Variants in FOXP1 observed in about 807,000 individuals in gnomAD.
FOXP1 encodes the protein forkhead box P1.
A neutral mutation model predicts 98.2 loss-of-function variants in FOXP1; 15 were observed. That is an observed-to-expected ratio of 0.15 (90% CI 0.10 to 0.24). The LOEUF (loss-of-function observed/expected upper bound fraction) is 0.24. Among genes scored for constraint, FOXP1 ranks in the 10% least tolerant of loss-of-function variants. The probability of loss-of-function intolerance (pLI) is 1.00; values close to 1 mark genes in which losing one functional copy is unlikely to be tolerated. For missense variants in FOXP1, 633 were observed against 848.5 expected (o/e 0.75, Z 3.15); for synonymous variants, 371 against 314.5 (o/e 1.18, Z -1.90).
At chr3:71,098,223 C>A (rs1300464671) in intron 7 of FOXP1, among the ~76,000 whole-genome samples, 2 of 152,204 alleles carry the variant, frequency 1.3e-5, no homozygotes, top group Non-Finnish European at 2.9e-5. Context: ...TTCCTCCCTG[C>A]AAGTATATTC....
At chr3:71,363,990 T>C (rs2078746385) in intron 3 of FOXP1, among the ~76,000 whole-genome samples, 3 of 152,222 alleles carry the variant, frequency 2.0e-5, no homozygotes, top group South Asian at 2.1e-4. Flanking sequence ...AAAGACTACA[T>C]GGAGCAGAGC....
At position 71,373,356 on chromosome 3, in the gene FOXP1, C is replaced by A. The variant is rs547918244; in HGVS notation, c.-167-14112G>T. Among the ~76,000 whole-genome samples the A allele has an allele frequency of 2.0e-5, 3 of 152,064 alleles. No individual in the cohort carries two copies. The South Asian group carries it at 6.2e-4, about 32-fold the overall frequency. ...AAAACATGTTAAAGTAGAATTTTAA[C>A]ACAACTTGTCATAAAAGCTGACACT... On this transcript the variant is annotated intron_variant, in intron 3 of 20. Transcript: ENST00000649528.
intron 4 of FOXP1, among the ~76,000 whole-genome samples, chr3:71,330,582 G>A (rs1025527906): frequency 4.6e-5 from 7 of 152,214 alleles, no homozygotes; most frequent in Non-Finnish European, 2.9e-5. Context: ...AACTGGTAAA[G>A]AATCTGTGGA....
intron 3 of FOXP1, among the ~76,000 whole-genome samples, chr3:71,466,223 G>A (rs917963751): frequency 1.1e-4 from 17 of 152,070 alleles, no homozygotes; most frequent in African/African-American, 3.6e-4. Context: ...ACTGCTGCTC[G>A]ACAGTACCCA....
chr3:71,400,917 C>A (rs2081918513), intron 3 of FOXP1, among the ~76,000 whole-genome samples: 1 of 152,074 alleles, frequency 6.6e-6, no homozygotes, highest in African/African-American at 2.4e-5. Context: ...TTCAGGAGAA[C>A]ACATAAGGAG....
intron 3 of FOXP1, among the ~76,000 whole-genome samples, chr3:71,430,814 T>C (rs2084639245): frequency 6.6e-6 from 1 of 151,304 alleles, no homozygotes; most frequent in Admixed American, 6.6e-5. Context: ...CATGGGCTGT[T>C]GGGGGAGGGG....
At chr3:70,970,426 A>T (rs2035961604) in intron 19 of FOXP1, 1 of 410,204 alleles carries the variant, frequency 2.4e-6, no homozygotes, top group Non-Finnish European at 4.6e-6. Flanking sequence ...TGCTAGAGTA[A>T]TTACACTTGT....
intron 3 of FOXP1, among the ~76,000 whole-genome samples, chr3:71,418,659 C>T (rs998975695): frequency 6.6e-6 from 1 of 152,166 alleles, no homozygotes; most frequent in African/African-American, 2.4e-5. Context: ...CAGATCTAAA[C>T]ACTACTTAAC....
At chr3:71,024,178 C>A (rs1451957166) in intron 11 of FOXP1, among the ~76,000 whole-genome samples, 4 of 152,086 alleles carry the variant, frequency 2.6e-5, no homozygotes, top group African/African-American at 4.8e-5. Flanking sequence ...GCAGATGAAA[C>A]GTGGGAACAG....
intron 12 of FOXP1, among the ~76,000 whole-genome samples, chr3:71,010,826 AC>A (rs765943641): frequency 1.5e-4 from 19 of 127,728 alleles, no homozygotes; most frequent in Non-Finnish European, 4.9e-5. Context: ...GATGACAATA[AC>A]CCCCCCTCCC....
intron 2 of FOXP1, among the ~76,000 whole-genome samples, chr3:71,543,076 C>T (rs1310189636): frequency 1.3e-5 from 2 of 152,116 alleles, no homozygotes; most frequent in African/African-American, 4.8e-5. Flanking sequence ...ACAGGCATTC[C>T]CCCTCAATTG....
At chr3:70,998,485 G>T (rs2041687850) in intron 13 of FOXP1, among the ~76,000 whole-genome samples, 1 of 152,142 alleles carries the variant, frequency 6.6e-6, no homozygotes, top group African/African-American at 2.4e-5. Context: ...TCATCACTCT[G>T]ATAATTCCCT....
At chr3:71,138,971 T>C (rs2059941827) in intron 6 of FOXP1, among the ~76,000 whole-genome samples, 1 of 152,178 alleles carries the variant, frequency 6.6e-6, no homozygotes, top group Non-Finnish European at 1.5e-5. Context: ...AGAAATATGA[T>C]GAACGGATGC....
At chr3:71,151,101 T>C (rs939296894) in intron 6 of FOXP1, among the ~76,000 whole-genome samples, 1 of 152,206 alleles carries the variant, frequency 6.6e-6, no homozygotes, top group African/African-American at 2.4e-5. Context: ...TCTTAGCCCC[T>C]TGTTACCATG....
At chr3:71,517,236 T>C (rs898476924) in intron 2 of FOXP1, among the ~76,000 whole-genome samples, 1 of 151,752 alleles carries the variant, frequency 6.6e-6, no homozygotes, top group Non-Finnish European at 1.5e-5. Context: ...CAGATGATAA[T>C]GACAACACAT....
upstream of FOXP1, chr3:71,583,875 A>G (rs1578288442): frequency 3.1e-6 from 3 of 977,492 alleles, no homozygotes; most frequent in Non-Finnish European, 3.6e-6. Flanking sequence ...CCGACCCTCT[A>G]CCTCCCGCAG....
At chr3:71,045,521 C>T (rs143725075) in intron 10 of FOXP1, among the ~76,000 whole-genome samples, 91 of 152,162 alleles carry the variant, frequency 6.0e-4, no homozygotes, top group African/African-American at 2.2e-3. Flanking sequence ...ATTCTGCAAG[C>T]ACAAAAATGC....
intron 3 of FOXP1, among the ~76,000 whole-genome samples, chr3:71,418,309 T>C (rs893338838): frequency 6.6e-6 from 1 of 152,146 alleles, no homozygotes; most frequent in African/African-American, 2.4e-5. Context: ...CTCAACAAGA[T>C]GCATGGATCC....
At chr3:71,397,069 T>TAC (rs2081542139) in intron 3 of FOXP1, among the ~76,000 whole-genome samples, 2 of 40,672 alleles carry the variant, frequency 4.9e-5, no homozygotes, top group African/African-American at 1.5e-4. Context: ...TGTGTATATA[T>TAC]ATATACATAT....
Sources: allele counts gnomAD v4.1 joint callset (sites outside exome capture counted in the v4.1 genomes callset), GRCh38; gene constraint gnomAD v4.1.1; transcripts MANE v1.5; gene names NCBI Gene and HGNC (gene_info 2026-07-23, HGNC 2026-07-21).